Variants in TRAPPC12 observed in about 807,000 individuals in gnomAD.
TRAPPC12 encodes trafficking protein particle complex subunit 12.
Under a neutral mutation model 69.2 loss-of-function variants are expected in TRAPPC12, and 61 were observed. The observed-to-expected ratio is 0.88, with a 90% CI of 0.72 to 1.09. TRAPPC12 has a LOEUF of 1.09. Ranked by LOEUF, TRAPPC12 falls within the 50% of genes least tolerant of loss-of-function variation. The pLI is 0.00. For missense variants in TRAPPC12, 1,101 were observed against 1,016.4 expected, an observed-to-expected ratio of 1.08 and a Z score of -1.13; for synonymous variants, 469 against 438.9, an observed-to-expected ratio of 1.07 and a Z score of -0.86.
intron 2 of TRAPPC12, among the ~76,000 whole-genome samples, chr2:3,396,875 G>A (rs1312778451): frequency 6.6e-6 from 1 of 152,144 alleles, no homozygotes; most frequent in Admixed American, 6.5e-5. Context: ...CTTCTGAGCT[G>A]GGTGTGGTGG....
chr2:3,383,837 T>C (rs1266120613), intron 1 of TRAPPC12, among the ~76,000 whole-genome samples: 1 of 149,526 alleles, frequency 6.7e-6, no homozygotes, highest in Non-Finnish European at 1.5e-5. Flanking sequence ...TCCTTTGATG[T>C]GTGCTACATA....
chr2:3,448,124 A>G (rs1474270753), intron 6 of TRAPPC12, among the ~76,000 whole-genome samples: 1 of 152,196 alleles, frequency 6.6e-6, no homozygotes, highest in Non-Finnish European at 1.5e-5. Context: ...TAATGCCCAC[A>G]GCAGCTGCAA....
At chr2:3,410,587 A>G (rs1048070436) in intron 3 of TRAPPC12, among the ~76,000 whole-genome samples, 8 of 152,240 alleles carry the variant, frequency 5.3e-5, no homozygotes, top group African/African-American at 1.9e-4. Flanking sequence ...GAGTATCTAT[A>G]CATAGTGGGT....
At position 3,440,020 on chromosome 2, in the gene TRAPPC12, T is replaced by G. The variant is rs143166380; in HGVS notation, c.1418-3759T>G. Among the ~76,000 whole-genome samples, 121 of 152,258 alleles carry G rather than the reference T, an allele frequency of 7.9e-4. 2 individuals are homozygous for G. Among genetic ancestry groups the G allele is most frequent in the African/African-American group, 2.7e-3 (113 of 41,536 alleles). On this transcript the variant is annotated intron_variant, in intron 5 of 11. Transcript: ENST00000324266. ...TATATTTGTGAGGACCAATTTCTTG[T>G]CTTTCTGCTCTGGGCCACTGATCTA...
At chr2:3,405,991 G>A (rs1264597743) in intron 3 of TRAPPC12, among the ~76,000 whole-genome samples, 1 of 152,128 alleles carries the variant, frequency 6.6e-6, no homozygotes, top group Non-Finnish European at 1.5e-5. Context: ...TTCTGTAACT[G>A]GCGGGAATCC....
chr2:3,396,039 A>G (rs1332769108), intron 2 of TRAPPC12, among the ~76,000 whole-genome samples: 4 of 152,024 alleles, frequency 2.6e-5, no homozygotes, highest in Admixed American at 6.6e-5. Flanking sequence ...TAGTTCTTGT[A>G]TTTTTAGTAG....
intron 3 of TRAPPC12, among the ~76,000 whole-genome samples, chr2:3,413,571 T>G (rs1050232116): frequency 3.9e-5 from 6 of 152,162 alleles, no homozygotes; most frequent in Admixed American, 2.6e-4. Flanking sequence ...ATAAATCATG[T>G]CCCAAGAACA....
At chr2:3,435,857 C>T (rs542790373) in intron 5 of TRAPPC12, among the ~76,000 whole-genome samples, 2 of 152,184 alleles carry the variant, frequency 1.3e-5, no homozygotes, top group African/African-American at 4.8e-5. Flanking sequence ...TACTAATTAC[C>T]TGTTATAATG....
chr2:3,437,010 T>G (rs1320513973), intron 5 of TRAPPC12, among the ~76,000 whole-genome samples: 1 of 46,218 alleles, frequency 2.2e-5, no homozygotes, highest in African/African-American at 1.1e-4. Flanking sequence ...AGCCCTGGAT[T>G]AATACCCCAT....
intron 10 of TRAPPC12, 189 bp downstream of exon 10, chr2:3,477,984 C>T (rs1666368870): frequency 2.2e-6 from 1 of 447,848 alleles, no homozygotes; most frequent in Non-Finnish European, 4.1e-6. Context: ...TTCTTTTAGT[C>T]ACAGAAGCTG....
At chr2:3,467,945 A>G (rs1044919461) in intron 9 of TRAPPC12, 1 of 152,278 alleles carries the variant, frequency 6.6e-6, no homozygotes, top group African/African-American at 2.4e-5. Flanking sequence ...CGTAGCTGCC[A>G]TTAGCCTTCC....
intron 1 of TRAPPC12, among the ~76,000 whole-genome samples, chr2:3,383,894 T>G (rs1378674936): frequency 8.7e-4 from 27 of 31,066 alleles, no homozygotes; most frequent in African/African-American, 4.1e-3. Flanking sequence ...TTTTTTTTTT[T>G]TTTTTTTTTT....
At chr2:3,460,155 C>T in intron 7 of TRAPPC12, 108 bp from the exon 8 acceptor site, 1 of 792,240 alleles carries the variant, frequency 1.3e-6, no homozygotes, top group Non-Finnish European at 2.2e-6. Flanking sequence ...GTGGTGTTAA[C>T]AAGAGGGATC....
rs1450041861 is a variant in TRAPPC12 at position 3,465,601 on chromosome 2, A to G, written c.1682A>G (p.Tyr561Cys). ...GTTGGGTTTTTCTTCCCACAGGATT[A>G]TGTGCTGGCCGTGGAGGCGTATCAT... ...MANCLLLMKDYVLAVEAYHSV... is the reference protein window; with the variant it reads ...MANCLLLMKDCVLAVEAYHSV... The change falls in exon 9 of 12, where the codon TAT (tyrosine) becomes TGT (cysteine). Residue 561 changes from tyrosine to cysteine, a missense_variant. Physicochemically the swap from Tyr to Cys is radical, Grantham distance 194. Coordinates refer to ENST00000324266, the MANE Select transcript of TRAPPC12 (RefSeq NM_016030.6). The G allele has an allele frequency of 1.2e-6, 2 of 1,613,078 alleles. No individual in the cohort carries two copies. Among genetic ancestry groups the G allele is most frequent in the East Asian group, 2.2e-5 (1 of 44,882 alleles).
intron 5 of TRAPPC12, among the ~76,000 whole-genome samples, chr2:3,430,201 G>A (rs1011187139): frequency 2.6e-5 from 4 of 151,980 alleles, no homozygotes; most frequent in African/African-American, 7.3e-5. Context: ...CCACCTTTCG[G>A]CTATTATGAG....
intron 8 of TRAPPC12, 72 bp from the exon 9 acceptor site, chr2:3,465,525 T>C: frequency 9.6e-7 from 1 of 1,045,882 alleles, no homozygotes; most frequent in Non-Finnish European, 1.5e-6. Context: ...TATACACTTG[T>C]GCTCTTCTAC....
chr2:3,436,267 C>T (rs939213630), intron 5 of TRAPPC12, among the ~76,000 whole-genome samples: 1 of 152,150 alleles, frequency 6.6e-6, no homozygotes, highest in Non-Finnish European at 1.5e-5. Context: ...AATTTGAGAT[C>T]CCAAGAACAC....
At chr2:3,389,044 G>T (rs1035225567) in intron 2 of TRAPPC12, 3 of 183,788 alleles carry the variant, frequency 1.6e-5, no homozygotes, top group South Asian at 3.8e-4. Context: ...TAATGTGCCC[G>T]ATGTAGAATT....
intron 5 of TRAPPC12, among the ~76,000 whole-genome samples, chr2:3,427,237 C>T (rs770012622): frequency 1.2e-4 from 18 of 152,208 alleles, no homozygotes; most frequent in Non-Finnish European, 2.2e-4. Context: ...GCCTGAGCAT[C>T]GCCTCCAACC....
Sources: allele counts gnomAD v4.1 joint callset (sites outside exome capture counted in the v4.1 genomes callset), GRCh38; gene constraint gnomAD v4.1.1; transcripts MANE v1.5; gene names NCBI Gene and HGNC (gene_info 2026-07-23, HGNC 2026-07-21).